The following PEBP4 variants were observed in gnomAD, a reference collection of about 807,000 sequenced individuals.
PEBP4 encodes the protein phosphatidylethanolamine binding protein 4.
Under a neutral mutation model 23.9 loss-of-function variants are expected in PEBP4, and 22 were observed. The observed-to-expected ratio is 0.92, with a 90% CI of 0.66 to 1.31. PEBP4 has a LOEUF of 1.31. Among genes scored for constraint, PEBP4 ranks in the 40% most tolerant of loss-of-function variants. The pLI is 0.00. For missense variants in PEBP4, 324 were observed against 281.7 expected, an observed-to-expected ratio of 1.15 and a Z score of -1.07; for synonymous variants, 112 against 99.3, an observed-to-expected ratio of 1.13 and a Z score of -0.76.
At chr8:22,845,434 C>T (rs1000893407) in intron 3 of PEBP4, among the ~76,000 whole-genome samples, 14 of 151,562 alleles carry the variant, frequency 9.2e-5, no homozygotes, top group African/African-American at 2.9e-4. Flanking sequence ...ACTCAGGAGG[C>T]TGAGGTTGAG....
intron 4 of PEBP4, among the ~76,000 whole-genome samples, chr8:22,805,522 C>A (rs1390042816): frequency 6.6e-6 from 1 of 152,166 alleles, no homozygotes; most frequent in Non-Finnish European, 1.5e-5. Flanking sequence ...GACAGAGTTT[C>A]TCCATGTTGG....
At chr8:22,845,512 G>C (rs1315052111) in intron 3 of PEBP4, among the ~76,000 whole-genome samples, 1 of 152,318 alleles carries the variant, frequency 6.6e-6, no homozygotes, top group East Asian at 1.9e-4. Flanking sequence ...AGCAGAGAGA[G>C]ACCTGTCTCA....
At chr8:22,727,405 C>T (rs1391773093) in intron 4 of PEBP4, among the ~76,000 whole-genome samples, 185 bp from the exon 5 acceptor site, 1 of 151,966 alleles carries the variant, frequency 6.6e-6, no homozygotes, top group Non-Finnish European at 1.5e-5. Context: ...TTTTGGGAGA[C>T]AGGGCAGTGA....
chr8:22,777,914 G>A (rs990479586), intron 4 of PEBP4, among the ~76,000 whole-genome samples: 4 of 152,040 alleles, frequency 2.6e-5, no homozygotes, highest in African/African-American at 9.7e-5. Context: ...TGGCTCCTTC[G>A]TTACAGCCCC....
At chr8:22,829,679 C>G (rs1406088496) in intron 3 of PEBP4, among the ~76,000 whole-genome samples, 2 of 152,164 alleles carry the variant, frequency 1.3e-5, no homozygotes, top group African/African-American at 2.4e-5. Flanking sequence ...TACCTTCTCT[C>G]TCTTGAATAT....
chr8:22,749,805 C>CTTTTTTTTTTTTTTTTTTTTTTTTTTTTT lies in PEBP4; in HGVS notation c.358-22586_358-22585insAAAAAAAAAAAAAAAAAAAAAAAAAAAAA, dbSNP rs71206545. 2.3e-4 allele frequency among the ~76,000 whole-genome samples: 19 copies of CTTTTTTTTTTTTTTTTTTTTTTTTTTTTT among 83,754 alleles called. 5 individuals are homozygous for CTTTTTTTTTTTTTTTTTTTTTTTTTTTTT. The highest frequency in any genetic ancestry group is 6.4e-4 in the East Asian group (2 of 3,122). The allele number at this position is 83,754 out of a possible 152,430, so 54.9% of individuals were successfully genotyped here. On this transcript the variant is annotated intron_variant, in intron 4 of 6. Transcript: ENST00000256404. ...CTCTCCTGATTCTCAGTTTGTCATT[C>CTTTTTTTTTTTTTTTTTTTTTTTTTTTTT]TTTTTTTTTTTTTTTTTTGAGATGG...
At chr8:22,796,117 A>G (rs553478902) in intron 4 of PEBP4, among the ~76,000 whole-genome samples, 115 of 152,354 alleles carry the variant, frequency 7.5e-4, no homozygotes, top group African/African-American at 2.7e-3. Context: ...GTGGCCTCAC[A>G]TTGCTGTGTT....
intron 4 of PEBP4, among the ~76,000 whole-genome samples, chr8:22,773,876 T>C (rs1805764538): frequency 6.6e-6 from 1 of 152,128 alleles, no homozygotes; most frequent in African/African-American, 2.4e-5. Flanking sequence ...ACCTTCCCTG[T>C]TCTGACCAGA....
At chr8:22,884,202 C>A (rs1808324114) in intron 3 of PEBP4, 2 of 152,132 alleles carry the variant, frequency 1.3e-5, no homozygotes, top group Admixed American at 1.3e-4. Flanking sequence ...GACACAGGGA[C>A]CTCTTTAAAA....
intron 3 of PEBP4, among the ~76,000 whole-genome samples, chr8:22,867,670 C>T (rs1223455426): frequency 6.6e-6 from 1 of 152,174 alleles, no homozygotes; most frequent in East Asian, 1.9e-4. Context: ...AGAGTTGCAG[C>T]ATTCAGTGCA....
At chr8:22,890,406 A>G (rs1358019260) in intron 3 of PEBP4, among the ~76,000 whole-genome samples, 1 of 152,254 alleles carries the variant, frequency 6.6e-6, no homozygotes, top group Non-Finnish European at 1.5e-5. Flanking sequence ...CTTTATGTCA[A>G]TAAGCAACCT....
chr8:22,768,369 G>A (rs982489420), intron 4 of PEBP4, among the ~76,000 whole-genome samples: 1 of 152,144 alleles, frequency 6.6e-6, no homozygotes, highest in African/African-American at 2.4e-5. Flanking sequence ...AGCACAGTAA[G>A]AGCATGGGTG....
At chr8:22,765,325 G>C (rs941430307) in intron 4 of PEBP4, among the ~76,000 whole-genome samples, 5 of 152,108 alleles carry the variant, frequency 3.3e-5, no homozygotes, top group Admixed American at 3.3e-4. Context: ...TGTATTTTTA[G>C]TAGAGATGGG....
intron 3 of PEBP4, among the ~76,000 whole-genome samples, chr8:22,880,870 CT>C (rs1808239351): frequency 6.6e-6 from 1 of 152,196 alleles, no homozygotes; most frequent in South Asian, 2.1e-4. Flanking sequence ...ACCTCAAGAC[CT>C]TGATGCAGTC....
intron 5 of PEBP4, 30 bp from the exon 6 acceptor site, chr8:22,724,986 A>G (rs769698632): frequency 1.2e-5 from 18 of 1,561,920 alleles, no homozygotes; most frequent in Non-Finnish European, 1.6e-5. Flanking sequence ...AGAGGTGAGC[A>G]TCAACATCCC....
At position 22,860,209 on chromosome 8, in the gene PEBP4, C is replaced by CATAT. The variant is rs200272561; in HGVS notation, c.259-42478_259-42475dup. 9.4e-5 allele frequency among the ~76,000 whole-genome samples: 10 copies of CATAT among 106,204 alleles called. 1 individual carries two copies. Among genetic ancestry groups the CATAT allele is most frequent in the African/African-American group, 3.7e-4 (9 of 24,198 alleles). The allele number at this position is 106,204 out of a possible 152,430, so 69.7% of individuals were successfully genotyped here. On this transcript the variant is annotated intron_variant, in intron 3 of 6. Transcript: ENST00000256404. ...ATATATATGTATATATATATATACA[C>CATAT]ATATATGTATATATATATATGGTGC...
At chr8:22,921,828 G>C (rs1238138195) in intron 2 of PEBP4, among the ~76,000 whole-genome samples, 4 of 152,346 alleles carry the variant, frequency 2.6e-5, no homozygotes, top group African/African-American at 9.6e-5. Flanking sequence ...CGTTTGGTTT[G>C]TTTCTGCTGC....
At chr8:22,904,070 T>G (rs1808761049) in intron 3 of PEBP4, among the ~76,000 whole-genome samples, 1 of 152,202 alleles carries the variant, frequency 6.6e-6, no homozygotes, top group Non-Finnish European at 1.5e-5. Context: ...TGAGACCCTA[T>G]TTTTAGATGC....
At chr8:22,752,284 G>A (rs1417734751) in intron 4 of PEBP4, among the ~76,000 whole-genome samples, 1 of 152,160 alleles carries the variant, frequency 6.6e-6, no homozygotes, top group Non-Finnish European at 1.5e-5. Flanking sequence ...CTGAATCTCA[G>A]GGTCTCTGTC....
Sources: gnomAD v4.1 joint callset for allele counts (sites outside exome capture counted in the v4.1 genomes callset) on GRCh38, gnomAD v4.1.1 for gene constraint, MANE v1.5 for transcripts, NCBI Gene and HGNC (gene_info 2026-07-23, HGNC 2026-07-21) for gene names.